Variants in PCMTD1 observed in about 807,000 individuals in gnomAD.
PCMTD1 encodes protein-L-isoaspartate (D-aspartate) O-methyltransferase domain containing 1.
In PCMTD1, 12 loss-of-function variants were observed where a neutral mutation model predicts 37.6. That is an observed-to-expected ratio of 0.32 (90% CI 0.20 to 0.52). The LOEUF is 0.52. Among genes scored for constraint, PCMTD1 ranks in the 20% least tolerant of loss-of-function variants. The probability of loss-of-function intolerance (pLI) is 0.97; values close to 1 mark genes in which losing one functional copy is unlikely to be tolerated. For missense variants in PCMTD1, 235 were observed against 421.3 expected (o/e 0.56, Z 3.87); for synonymous variants, 117 against 135.8 (o/e 0.86, Z 0.96).
At chr8:51,892,214 T>C (rs1389960880) in intron 1 of PCMTD1, among the ~76,000 whole-genome samples, 1 of 152,218 alleles carries the variant, frequency 6.6e-6, no homozygotes, top group African/African-American at 2.4e-5. Flanking sequence ...GGGATCTAAA[T>C]TCATCCCCTG....
At chr8:51,854,581 A>T (rs547280001) in intron 2 of PCMTD1, among the ~76,000 whole-genome samples, 1 of 152,250 alleles carries the variant, frequency 6.6e-6, no homozygotes, top group Non-Finnish European at 1.5e-5. Context: ...AATAAATCAC[A>T]TATCAAGAAT....
intron 3 of PCMTD1, among the ~76,000 whole-genome samples, chr8:51,842,987 TAAATA>T (rs771795147): frequency 3.9e-5 from 6 of 152,158 alleles, no homozygotes; most frequent in Admixed American, 2.0e-4. Flanking sequence ...CATACATAAT[TAAATA>T]AAACTGCTTA....
chr8:51,821,760 C>T (rs1265725551), intron 5 of PCMTD1, among the ~76,000 whole-genome samples: 3 of 147,610 alleles, frequency 2.0e-5, no homozygotes, highest in African/African-American at 2.6e-5. Flanking sequence ...TTTTTTGAGA[C>T]GGAGTTTCAC....
chr8:51,820,776 G>A (rs953231146), intron 5 of PCMTD1, 58 bp from the exon 6 acceptor site: 166 of 1,341,572 alleles, frequency 1.2e-4, no homozygotes, highest in Middle Eastern at 1.9e-4. Flanking sequence ...ATTATCTATT[G>A]TTTATTTTTT....
intron 2 of PCMTD1, chr8:51,849,858 T>C: frequency 1.8e-6 from 1 of 545,496 alleles, no homozygotes; most frequent in Non-Finnish European, 3.2e-6. Context: ...CCTTGTAATG[T>C]CCAACATTTT....
Position 51,823,150 on chromosome 8 carries a change from AT to A in PCMTD1, c.707-2433del, listed in dbSNP as rs1364197642. ...TAACACTCAGGACTCCTAAAGTAGC[AT>A]TCATGTGAGCTTCATTTAAAAGTTC... On this transcript the variant is annotated intron_variant, in intron 5 of 5. Transcript: ENST00000522514. Among the ~76,000 whole-genome samples, 18 of 152,334 alleles carry A rather than the reference AT, an allele frequency of 1.2e-4. No individual in the cohort carries two copies. In the Middle Eastern group the frequency reaches 0.01, roughly 86 times the overall value.
rs73592229 is a variant in PCMTD1, at chr8:51,867,870, G to A, written c.-95-6624C>T. Among the ~76,000 whole-genome samples the A allele has an allele frequency of 2.3e-3, 346 of 152,152 alleles. 1 individual carries two copies. Among genetic ancestry groups the A allele is most frequent in the African/African-American group, 8.0e-3 (334 of 41,538 alleles). ...GTCAAAGGGCATAAAGTTTCTGCTA[G>A]ACAGGAGAAATACGCTTTAGTAATC... On this transcript the variant is annotated intron_variant, in intron 1 of 5. Transcript: ENST00000522514.
At chr8:51,897,988 A>C (rs368467198) in intron 1 of PCMTD1, among the ~76,000 whole-genome samples, 101 of 152,188 alleles carry the variant, frequency 6.6e-4, no homozygotes, top group Middle Eastern at 3.4e-3. Context: ...GAGACTGGCT[A>C]CCCTGGGTAG....
At chr8:51,898,441 G>A (rs981737948) in intron 1 of PCMTD1, among the ~76,000 whole-genome samples, 1 of 151,936 alleles carries the variant, frequency 6.6e-6, no homozygotes, top group African/African-American at 2.4e-5. Flanking sequence ...AGACTTCCCC[G>A]AGTCTACGTA....
chr8:51,868,468 G>C (rs2038591525), intron 1 of PCMTD1, among the ~76,000 whole-genome samples: 1 of 152,176 alleles, frequency 6.6e-6, no homozygotes, highest in African/African-American at 2.4e-5. Context: ...GGTGAAGCCA[G>C]GGACTGCTAT....
intron 2 of PCMTD1, among the ~76,000 whole-genome samples, chr8:51,858,559 C>A (rs925662659): frequency 5.3e-5 from 8 of 152,096 alleles, no homozygotes; most frequent in Non-Finnish European, 5.9e-5. Flanking sequence ...AAAACACACA[C>A]AAAACACAAA....
chr8:51,898,816 G>C (rs1293724445), intron 1 of PCMTD1, 114 bp downstream of exon 1: 11 of 1,059,130 alleles, frequency 1.0e-5, no homozygotes, highest in Non-Finnish European at 1.3e-5. Flanking sequence ...CGACTCTTCG[G>C]CTGCCGTCCC....
intron 1 of PCMTD1, among the ~76,000 whole-genome samples, chr8:51,865,971 G>T (rs908464547): frequency 5.3e-5 from 8 of 151,100 alleles, no homozygotes; most frequent in Non-Finnish European, 1.0e-4. Flanking sequence ...AAAGTTGCAG[G>T]GTACAAAATC....
At chr8:51,863,148 G>A (rs2038498998) in intron 1 of PCMTD1, among the ~76,000 whole-genome samples, 1 of 151,916 alleles carries the variant, frequency 6.6e-6, no homozygotes, top group Admixed American at 6.6e-5. Flanking sequence ...GATAGTCTCT[G>A]TCAGTATCCA....
rs1322527811 is a variant in PCMTD1 at position 51,871,697 on chromosome 8, C to T, written c.-95-10451G>A. Among the ~76,000 whole-genome samples, 3 of 152,126 alleles carry T rather than the reference C, an allele frequency of 2.0e-5. No homozygotes were observed. In the South Asian group the frequency reaches 6.2e-4, roughly 32 times the overall value. On this transcript the variant is annotated intron_variant, in intron 1 of 5. Coordinates refer to ENST00000522514, the MANE Select transcript of PCMTD1 (RefSeq NM_052937.4). ...ATCACAGTTGCATGGTCTTAGCGAA[C>T]ATCTAAGAAACAACTGTTGACTAAG...
At chr8:51,841,563 A>G (rs973354849) in intron 3 of PCMTD1, among the ~76,000 whole-genome samples, 2 of 152,208 alleles carry the variant, frequency 1.3e-5, no homozygotes, top group Non-Finnish European at 2.9e-5. Context: ...TATGCATTAC[A>G]TATGTGTGGC....
At position 51,835,736 on chromosome 8, in the gene PCMTD1, T is replaced by C. The variant is rs769495711; in HGVS notation, c.411-2047A>G. ...AACATGTTAAATCAACTAAAAAATA[T>C]GCTTACAGTTTTAAAAGCTTCCTAC... On this transcript the variant is annotated intron_variant, in intron 3 of 5. Coordinates refer to ENST00000522514, the MANE Select transcript of PCMTD1 (RefSeq NM_052937.4). 2.6e-5 allele frequency among the ~76,000 whole-genome samples: 4 copies of C among 152,356 alleles called. No homozygotes were observed. In the East Asian group the frequency reaches 5.8e-4, roughly 22 times the overall value.
intron 1 of PCMTD1, 97 bp from the exon 2 acceptor site, chr8:51,861,343 T>G: frequency 1.1e-6 from 1 of 880,772 alleles, no homozygotes; most frequent in Admixed American, 3.2e-5. Flanking sequence ...AACTACCATT[T>G]CTCATGGAAA....
In PCMTD1 at chr8:51,820,593, T is replaced by C. The variant is rs753074391; in HGVS notation, c.832A>G (p.Arg278Gly). The C allele has an allele frequency of 4.3e-6, 7 of 1,611,562 alleles. No homozygotes were observed. The African/African-American group carries it at 8.0e-5, about 18-fold the overall frequency. The change falls in exon 6 of 6, where the codon AGA becomes GGA. Residue 278 changes from arginine to glycine, a missense_variant. By Grantham distance (125) the Arg-to-Gly change is moderately radical. Coordinates refer to ENST00000522514, the MANE Select transcript of PCMTD1 (RefSeq NM_052937.4). ...TTAATTCTCTGTTTAACTCTCTTTC[T>C]TTTCCTTTTGGGTGGAGCCCTTTGA... ...IPQRAPPKRK[R>G]KRVKQRINTY...
Sources: gnomAD v4.1 joint callset for allele counts (sites outside exome capture counted in the v4.1 genomes callset) on GRCh38, gnomAD v4.1.1 for gene constraint, MANE v1.5 for transcripts, NCBI Gene and HGNC (gene_info 2026-07-23, HGNC 2026-07-21) for gene names.